Variants in LRIG1 observed in about 807,000 individuals in gnomAD.
LRIG1 encodes leucine-rich repeats and immunoglobulin-like domains protein 1.
LRIG1 carries 48 observed loss-of-function variants against 99.2 expected under a neutral mutation model. The ratio of observed to expected loss-of-function variants is 0.48; its 90% confidence interval spans 0.38 to 0.62. LRIG1 has a LOEUF of 0.62. LRIG1 is among the 20% of genes least tolerant of loss of function. The pLI, the probability that LRIG1 is intolerant of heterozygous loss-of-function variation, is 0.00. For synonymous variants in LRIG1, 772 were observed against 596.1 expected, an observed-to-expected ratio of 1.29 and a Z score of -4.30; for missense variants, 1,646 against 1,434.4, an observed-to-expected ratio of 1.15 and a Z score of -2.38.
intron 3 of LRIG1, among the ~76,000 whole-genome samples, chr3:66,450,410 C>T (rs992585847): frequency 6.6e-6 from 1 of 152,130 alleles, no homozygotes; most frequent in Non-Finnish European, 1.5e-5. Flanking sequence ...GTCAAAAATG[C>T]ATTATGTAAA....
chr3:66,489,484 T>C (rs1350965061), intron 1 of LRIG1, among the ~76,000 whole-genome samples: 3 of 152,026 alleles, frequency 2.0e-5, no homozygotes, highest in Non-Finnish European at 4.4e-5. Flanking sequence ...ATTGCGCCAC[T>C]GCACTCCAAC....
At chr3:66,382,153 C>T in intron 16 of LRIG1, 120 bp downstream of exon 16, 1 of 1,172,956 alleles carries the variant, frequency 8.5e-7, no homozygotes, top group South Asian at 1.4e-5. Flanking sequence ...CCGCCTTCTA[C>T]TTCACCAAGT....
intron 7 of LRIG1, among the ~76,000 whole-genome samples, 194 bp from the exon 8 acceptor site, chr3:66,407,685 A>G (rs1454677401): frequency 6.6e-6 from 1 of 152,216 alleles, no homozygotes; most frequent in Admixed American, 6.5e-5. Flanking sequence ...CTAGAAACTC[A>G]TCAGTGCCCA....
At chr3:66,428,553 T>C (rs4856815) in intron 3 of LRIG1, among the ~76,000 whole-genome samples, 3 of 152,132 alleles carry the variant, frequency 2.0e-5, no homozygotes, top group African/African-American at 7.2e-5. Context: ...CTTACGATAA[T>C]GCACTTGTGC....
intron 5 of LRIG1, among the ~76,000 whole-genome samples, chr3:66,414,656 C>T (rs529108439): frequency 7.2e-5 from 11 of 152,276 alleles, no homozygotes; most frequent in Middle Eastern, 3.4e-3. Context: ...ATCAGCTAAG[C>T]AGCAGGACTC....
chr3:66,475,073 T>C lies in LRIG1; in HGVS notation c.219-12564A>G, dbSNP rs1221018268. ...ATCCAAGCCCACTGGTCATACCAAATTGAGACATCCACAAGATCAGCTACA... is the reference window on the plus strand; with the variant it reads ...ATCCAAGCCCACTGGTCATACCAAACTGAGACATCCACAAGATCAGCTACA... On this transcript the variant is annotated intron_variant, in intron 1 of 18. Coordinates refer to ENST00000273261, the MANE Select transcript of LRIG1 (RefSeq NM_015541.3). 4.6e-5 allele frequency among the ~76,000 whole-genome samples: 7 copies of C among 152,198 alleles called. No homozygotes were observed. In the East Asian group the frequency reaches 1.3e-3, roughly 29 times the overall value.
At chr3:66,383,927 T>C in intron 14 of LRIG1, 64 bp downstream of exon 14, 1 of 1,540,008 alleles carries the variant, frequency 6.5e-7, no homozygotes, top group Non-Finnish European at 8.8e-7. Flanking sequence ...CACAGAGCAT[T>C]TGAGAGTCTC....
intron 1 of LRIG1, among the ~76,000 whole-genome samples, chr3:66,467,016 T>C (rs1365370634): frequency 6.6e-6 from 1 of 152,230 alleles, no homozygotes; most frequent in Admixed American, 6.5e-5. Context: ...AGATGTTCTT[T>C]CAGCTAATCT....
At chr3:66,396,478 TG>T (rs1701854473) in intron 11 of LRIG1, among the ~76,000 whole-genome samples, 1 of 152,238 alleles carries the variant, frequency 6.6e-6, no homozygotes, top group Admixed American at 6.5e-5. Flanking sequence ...CAACCTGACT[TG>T]ATCTGATGGA....
intron 3 of LRIG1, among the ~76,000 whole-genome samples, chr3:66,436,543 A>G (rs745725426): frequency 6.6e-6 from 1 of 152,184 alleles, no homozygotes; most frequent in Non-Finnish European, 1.5e-5. Context: ...ACTACTCACT[A>G]TCTGTGGGAA....
intron 3 of LRIG1, among the ~76,000 whole-genome samples, chr3:66,421,912 C>G (rs949713166): frequency 6.6e-6 from 1 of 152,268 alleles, no homozygotes; most frequent in Non-Finnish European, 1.5e-5. Flanking sequence ...CAAACCTCAA[C>G]TGTTGACTTC....
chr3:66,447,216 C>T (rs1703759589), intron 3 of LRIG1, among the ~76,000 whole-genome samples: 1 of 152,132 alleles, frequency 6.6e-6, no homozygotes, highest in Non-Finnish European at 1.5e-5. Context: ...CTTTGTATTA[C>T]AAACAATCCA....
chr3:66,465,922 T>A (rs779325225), intron 1 of LRIG1, among the ~76,000 whole-genome samples: 3 of 152,218 alleles, frequency 2.0e-5, no homozygotes, highest in African/African-American at 4.8e-5. Flanking sequence ...AGAATCTGAC[T>A]ACTCTTAAGT....
chr3:66,388,976 G>C (rs1336635628), intron 12 of LRIG1, among the ~76,000 whole-genome samples: 1 of 152,146 alleles, frequency 6.6e-6, no homozygotes, highest in Non-Finnish European at 1.5e-5. Context: ...CAGGATACGT[G>C]TATTTTTGTA....
intron 12 of LRIG1, chr3:66,387,668 C>T (rs1018681253): frequency 2.0e-5 from 3 of 151,800 alleles, no homozygotes; most frequent in Non-Finnish European, 4.4e-5. Context: ...TTATGAAACA[C>T]TCAAACAGGA....
intron 8 of LRIG1, chr3:66,406,272 A>G (rs761069216): frequency 1.2e-4 from 115 of 985,438 alleles, no homozygotes; most frequent in South Asian, 3.3e-4. Flanking sequence ...TATCATCTGC[A>G]TACTGAAAAA....
intron 3 of LRIG1, among the ~76,000 whole-genome samples, chr3:66,419,792 T>C (rs1702745466): frequency 6.6e-6 from 1 of 151,978 alleles, no homozygotes; most frequent in Non-Finnish European, 1.5e-5. Context: ...TCCCCACCTG[T>C]CTCCTCCCAA....
Position 66,398,194 on chromosome 3 carries a change from A to AGCCTCCATTACTTTG in LRIG1, c.1233-12_1233-11insCAAAGTAATGGAGGC. The AGCCTCCATTACTTTG allele has an allele frequency of 6.2e-7, 1 of 1,610,062 alleles. No individual in the cohort carries two copies. The highest frequency in any genetic ancestry group is 8.5e-7 in the Non-Finnish European group (1 of 1,176,382). ...TTCCCTCCAAGGTTCCTGAAACAGA[A>AGCCTCCATTACTTTG]CATACATTACTTATGCAAAGAAACC... On this transcript the variant is annotated splice_polypyrimidine_tract_variant and intron_variant, in intron 10 of 18. Transcript: ENST00000273261.
chr3:66,420,502 G>A (rs1702770021), intron 3 of LRIG1, among the ~76,000 whole-genome samples: 3 of 152,328 alleles, frequency 2.0e-5, no homozygotes, highest in East Asian at 3.9e-4. Flanking sequence ...AAAGAGACAT[G>A]TGTATCCTCA....
Sources: allele counts gnomAD v4.1 joint callset (sites outside exome capture counted in the v4.1 genomes callset), GRCh38; gene constraint gnomAD v4.1.1; transcripts MANE v1.5; gene names NCBI Gene and HGNC (gene_info 2026-07-23, HGNC 2026-07-21).